The following CAPN13 variants were observed in gnomAD, a reference collection of about 807,000 sequenced individuals.
CAPN13 encodes the protein calpain 13.
A neutral mutation model predicts 98.4 loss-of-function variants in CAPN13; 90 were observed. The ratio of observed to expected loss-of-function variants is 0.92; its 90% confidence interval spans 0.77 to 1.09. CAPN13 has a LOEUF of 1.09. CAPN13 is among the 50% of genes least tolerant of loss of function. The probability of loss-of-function intolerance (pLI) is 0.00; values close to 1 mark genes in which losing one functional copy is unlikely to be tolerated. For synonymous variants in CAPN13, 330 were observed against 305.5 expected (o/e 1.08, Z -0.84); for missense variants, 887 against 841.3 (o/e 1.05, Z -0.67).
In CAPN13 at chr2:30,753,110, G is replaced by A. The variant is rs1262915983; in HGVS notation, c.1030C>T (p.His344Tyr). The A allele has an allele frequency of 1.2e-5, 19 of 1,613,814 alleles. 1 individual carries two copies. Among genetic ancestry groups the A allele is most frequent in the Non-Finnish European group, 1.5e-5 (18 of 1,179,832 alleles). The part of the protein sequence containing the change: ...PITLDHGNTL[H>Y]EGWSQIMFRK... ...AACATTATTTGGGACCATCCTTCGTGGAGTGTGTTTCCATGGTCCAGGGTA... is the reference window on the plus strand; with the variant it reads ...AACATTATTTGGGACCATCCTTCGTAGAGTGTGTTTCCATGGTCCAGGGTA... Residue 344 changes from histidine (H) to tyrosine (Y), a missense_variant, in exon 10 of 23, where the codon CAC becomes TAC. Physicochemically the swap from His to Tyr is moderately conservative, Grantham distance 83 (BLOSUM62 2). Coordinates refer to ENST00000295055, the MANE Select transcript of CAPN13 (RefSeq NM_144575.3).
chr2:30,741,739 C>A, intron 15 of CAPN13, 169 bp downstream of exon 15: 1 of 1,466,210 alleles, frequency 6.8e-7, no homozygotes, highest in Non-Finnish European at 9.0e-7. Flanking sequence ...CTCTACCGAG[C>A]TTGGCAGCCA....
At chr2:30,753,276 T>C in intron 9 of CAPN13, 78 bp from the exon 10 acceptor site, 1 of 1,466,628 alleles carries the variant, frequency 6.8e-7, no homozygotes, top group Non-Finnish European at 9.4e-7. Flanking sequence ...CTTCACAGCA[T>C]AGCCACTGTC....
At position 30,760,973 on chromosome 2, in the gene CAPN13, C is replaced by T. The variant is rs542509965; in HGVS notation, c.774+2109G>A. 8.6e-5 allele frequency among the ~76,000 whole-genome samples: 13 copies of T among 150,474 alleles called. 1 individual carries two copies. The South Asian group carries it at 2.7e-3, about 31-fold the overall frequency. On this transcript the variant is annotated intron_variant, in intron 7 of 22. Transcript: ENST00000295055. Reference sequence around the variant, plus strand: ...GTAGTACTTCCTCAAATGAATTATCCCGAATGCCAGTTCCACTGGCCATTA... The same window carrying T: ...GTAGTACTTCCTCAAATGAATTATCTCGAATGCCAGTTCCACTGGCCATTA...
At chr2:30,732,661 C>A in intron 19 of CAPN13, 95 bp from the exon 20 acceptor site, 1 of 1,439,082 alleles carries the variant, frequency 6.9e-7, no homozygotes, top group South Asian at 1.3e-5. Flanking sequence ...GAGGGCCCGG[C>A]CACCTCCCAC....
chr2:30,740,082 G>GT (rs143581068), intron 15 of CAPN13, among the ~76,000 whole-genome samples: 73 of 121,412 alleles, frequency 6.0e-4, no homozygotes, highest in South Asian at 5.3e-3. Flanking sequence ...ATTGTATTAG[G>GT]TTTTTTTTTT....
At chr2:30,785,708 A>G (rs774136255) in intron 2 of CAPN13, among the ~76,000 whole-genome samples, 39 of 152,330 alleles carry the variant, frequency 2.6e-4, no homozygotes, top group Non-Finnish European at 4.6e-4. Flanking sequence ...CTTCAACACT[A>G]TAAATATGGT....
chr2:30,775,601 T>C (rs1427973693), intron 4 of CAPN13, among the ~76,000 whole-genome samples: 2 of 152,190 alleles, frequency 1.3e-5, no homozygotes, highest in Admixed American at 1.3e-4. Flanking sequence ...CCACTTCCTA[T>C]AAAGCTACTG....
In CAPN13 at chr2:30,764,311, G is replaced by A. The variant is rs779961833; in HGVS notation, c.525-5C>T. On this transcript the variant is annotated splice_polypyrimidine_tract_variant and splice_region_variant and intron_variant, in intron 5 of 22. Transcript: ENST00000295055. Reference sequence around the variant, plus strand: ...TCGGAATAGGATCCGAGCAGCCTGGGAGGGAATGGGGGATGAACCATCGTG... The same window carrying A: ...TCGGAATAGGATCCGAGCAGCCTGGAAGGGAATGGGGGATGAACCATCGTG... 1.4e-5 allele frequency: 23 copies of A among 1,613,142 alleles called. No individual in the cohort carries two copies. Among genetic ancestry groups the A allele is most frequent in the Non-Finnish European group, 1.9e-5 (23 of 1,179,632 alleles).
chr2:30,730,802 C>T lies in CAPN13; in HGVS notation c.1984-16G>A. The stretch of plus-strand genomic sequence containing the variant: ...GGCTCATCCACTGAAAAATAAGCAT[C>T]ATCATTACAACAATTCTTTACACTT... On this transcript the variant is annotated splice_polypyrimidine_tract_variant and intron_variant, in intron 21 of 22. Transcript: ENST00000295055. 1.3e-6 allele frequency: 1 copy of T among 780,830 alleles called. No homozygotes were observed. Among genetic ancestry groups the T allele is most frequent in the Non-Finnish European group, 2.4e-6 (1 of 417,976 alleles). The allele number at this position is 780,830 out of a possible 1,614,324, so 48.4% of individuals were successfully genotyped here.
Position 30,801,604 on chromosome 2 carries a change from TAAA to T in CAPN13, c.-33+5695_-33+5697del, listed in dbSNP as rs10609363. Among the ~76,000 whole-genome samples, 318 of 79,938 alleles carry T rather than the reference TAAA, an allele frequency of 4.0e-3. 1 individual carries two copies. Among genetic ancestry groups the T allele is most frequent in the African/African-American group, 0.013 (296 of 23,048 alleles). The allele number at this position is 79,938 out of a possible 152,430, so 52.4% of individuals were successfully genotyped here. A position where few individuals can be genotyped will look rare whatever the true frequency, so the allele number is the denominator to read the frequency against. On this transcript the variant is annotated intron_variant, in intron 1 of 22. Coordinates refer to ENST00000295055, the MANE Select transcript of CAPN13 (RefSeq NM_144575.3). The stretch of plus-strand genomic sequence containing the variant: ...TGGGTGATAGAGGGAGACTCAGTCT[TAAA>T]AAAAAAAAAAAAAAAAAAAAGAAGA...
chr2:30,803,597 C>T (rs1675423824), intron 1 of CAPN13, among the ~76,000 whole-genome samples: 1 of 152,226 alleles, frequency 6.6e-6, no homozygotes, highest in Non-Finnish European at 1.5e-5. Flanking sequence ...AGAGTCCTGG[C>T]TGTCCTCCAG....
intron 8 of CAPN13, among the ~76,000 whole-genome samples, chr2:30,755,811 A>C (rs1468925228): frequency 5.9e-5 from 9 of 152,102 alleles, no homozygotes; most frequent in Non-Finnish European, 1.3e-4. Context: ...TGATAATTAC[A>C]TTTTCTGCAA....
At chr2:30,800,077 AAAAGAAAG>A (rs1170202857) in intron 1 of CAPN13, among the ~76,000 whole-genome samples, 84 of 149,628 alleles carry the variant, frequency 5.6e-4, no homozygotes, top group Middle Eastern at 3.4e-3. Context: ...CCATCTCAAA[AAAAGAAAG>A]AAAGAAAGAA....
chr2:30,731,946 G>A (rs2147945412), intron 20 of CAPN13, among the ~76,000 whole-genome samples: 1 of 152,240 alleles, frequency 6.6e-6, no homozygotes, highest in Middle Eastern at 3.4e-3. Context: ...CCCCACTGTG[G>A]CCCGACTGTG....
At chr2:30,772,426 G>A (rs1199479642) in intron 4 of CAPN13, among the ~76,000 whole-genome samples, 1 of 152,176 alleles carries the variant, frequency 6.6e-6, no homozygotes, top group Non-Finnish European at 1.5e-5. Flanking sequence ...AGCCGCTTCT[G>A]GGGAACTGTG....
chr2:30,760,420 C>T (rs1672784788), intron 7 of CAPN13, among the ~76,000 whole-genome samples: 1 of 152,130 alleles, frequency 6.6e-6, no homozygotes, highest in Admixed American at 6.5e-5. Flanking sequence ...CTCACAGATA[C>T]TCAGGGGCTC....
intron 11 of CAPN13, among the ~76,000 whole-genome samples, chr2:30,747,322 G>A (rs1671962783): frequency 6.6e-6 from 1 of 152,212 alleles, no homozygotes; most frequent in Non-Finnish European, 1.5e-5. Context: ...CGGGGAAGCT[G>A]TGCTGCTTGC....
chr2:30,743,764 T>C, intron 12 of CAPN13, 185 bp from the exon 13 acceptor site: 1 of 701,048 alleles, frequency 1.4e-6, no homozygotes, highest in Non-Finnish European at 2.6e-6. Flanking sequence ...TGTCATTTCA[T>C]CTAGACCCTG....
chr2:30,785,090 G>A lies in CAPN13; in HGVS notation c.198+2038C>T, dbSNP rs1168905290. 3.3e-5 allele frequency among the ~76,000 whole-genome samples: 5 copies of A among 152,330 alleles called. 1 individual carries two copies. Among genetic ancestry groups the A allele is most frequent in the Non-Finnish European group, 1.5e-5 (1 of 68,028 alleles). On this transcript the variant is annotated intron_variant, in intron 2 of 22. Transcript: ENST00000295055. Reference sequence around the variant, plus strand: ...GTTTCTTTCTTGCACGTGTGAACTTGAAACATGCATCAGGCACATGTAGAT... The same window carrying A: ...GTTTCTTTCTTGCACGTGTGAACTTAAAACATGCATCAGGCACATGTAGAT...
Sources: allele counts gnomAD v4.1 joint callset (sites outside exome capture counted in the v4.1 genomes callset), GRCh38; gene constraint gnomAD v4.1.1; transcripts MANE v1.5; gene names NCBI Gene and HGNC (gene_info 2026-07-23, HGNC 2026-07-21).